Variants in R3HCC1L observed in about 807,000 individuals in gnomAD.
R3HCC1L encodes the protein R3H domain and coiled-coil containing 1 like.
A neutral mutation model predicts 59.9 loss-of-function variants in R3HCC1L; 51 were observed. The observed-to-expected ratio is 0.85, with a 90% CI of 0.68 to 1.07. The LOEUF is 1.07. Among genes scored for constraint, R3HCC1L ranks in the 50% least tolerant of loss-of-function variants. The pLI, the probability that R3HCC1L is intolerant of heterozygous loss-of-function variation, is 0.00. For synonymous variants in R3HCC1L, 322 were observed against 315.2 expected (o/e 1.02, Z -0.23); for missense variants, 965 against 933.0 (o/e 1.03, Z -0.45).
chr10:98,188,496 A>G lies in R3HCC1L; in HGVS notation c.-14-19605A>G, dbSNP rs538032457. 5.3e-5 allele frequency among the ~76,000 whole-genome samples: 8 copies of G among 152,300 alleles called. No homozygotes were observed. In the East Asian group the frequency reaches 1.5e-3, roughly 29 times the overall value. The stretch of plus-strand genomic sequence containing the variant: ...AATGGAGACTCCTGTGTTTGGATCC[A>G]TTATAGGATAGGCTCAGTGTAATGC... On this transcript the variant is annotated intron_variant, in intron 4 of 9. Transcript: ENST00000298999.
chr10:98,190,470 A>T (rs962188041), intron 4 of R3HCC1L, among the ~76,000 whole-genome samples: 1 of 152,200 alleles, frequency 6.6e-6, no homozygotes, highest in Non-Finnish European at 1.5e-5. Context: ...CCTGTTGTAT[A>T]CTTTTCTGAC....
In R3HCC1L at chr10:98,201,980, C is replaced by A. The variant is rs567026984; in HGVS notation, c.-14-6121C>A. Among the ~76,000 whole-genome samples the A allele has an allele frequency of 1.4e-4, 22 of 151,826 alleles. No individual in the cohort carries two copies. The South Asian group carries it at 4.6e-3, about 32-fold the overall frequency. On this transcript the variant is annotated intron_variant, in intron 4 of 9. Transcript: ENST00000298999. ...CCACAGGCACAGTCATAGCACACTG[C>A]AGCCTTGAACTCGTGGCCTCAAGCT...
intron 4 of R3HCC1L, among the ~76,000 whole-genome samples, chr10:98,189,562 A>G (rs1054627297): frequency 6.6e-6 from 1 of 152,184 alleles, no homozygotes; most frequent in African/African-American, 2.4e-5. Flanking sequence ...CTTTAATTTT[A>G]GAAATTATTG....
At position 98,213,765 on chromosome 10, in the gene R3HCC1L, G is replaced by T. The variant is rs144469883; in HGVS notation, c.1785+3866G>T. 1.1e-3 allele frequency among the ~76,000 whole-genome samples: 170 copies of T among 152,030 alleles called. 1 individual carries two copies. Among genetic ancestry groups the T allele is most frequent in the African/African-American group, 4.0e-3 (167 of 41,470 alleles). ...GTTCCCTTGTACCCCCTCACCTGTC[G>T]TTCTAATTTTTTTCACAATATCTTT... On this transcript the variant is annotated intron_variant, in intron 5 of 9. Coordinates refer to ENST00000298999, the MANE Select transcript of R3HCC1L (RefSeq NM_001351015.2).
chr10:98,186,985 T>A (rs1459022444), intron 4 of R3HCC1L, among the ~76,000 whole-genome samples: 1 of 152,114 alleles, frequency 6.6e-6, no homozygotes, highest in Non-Finnish European at 1.5e-5. Flanking sequence ...CATTTATTTG[T>A]CTGTAAAATG....
At chr10:98,207,976 G>T in intron 4 of R3HCC1L, 125 bp from the exon 5 acceptor site, 3 of 878,226 alleles carry the variant, frequency 3.4e-6, no homozygotes, top group Non-Finnish European at 5.1e-6. Context: ...AGTGAGCTGA[G>T]ATCGCTCCAC....
At position 98,142,958 on chromosome 10, in the gene R3HCC1L, CAAAA is replaced by C. The variant is rs1388902700; in HGVS notation, c.-268+8253_-268+8256del. 7.6e-5 allele frequency among the ~76,000 whole-genome samples: 11 copies of C among 145,110 alleles called. 1 individual carries two copies. In the South Asian group the frequency reaches 2.4e-3, roughly 31 times the overall value. ...TCCAAAAAAAAACAAACAAACAAAA[CAAAA>C]CAAAACAAAAAAAAAACAGAAGAAG... is the stretch of plus-strand genomic sequence containing the variant. On this transcript the variant is annotated intron_variant, in intron 1 of 9. Coordinates refer to ENST00000298999, the MANE Select transcript of R3HCC1L (RefSeq NM_001351015.2).
intron 9 of R3HCC1L, 50 bp from the exon 10 acceptor site, chr10:98,244,041 A>G (rs1857837010): frequency 1.9e-6 from 3 of 1,549,876 alleles, no homozygotes; most frequent in East Asian, 2.3e-5. Flanking sequence ...AGGGAAAGTC[A>G]TTGGTTATAT....
intron 4 of R3HCC1L, among the ~76,000 whole-genome samples, chr10:98,187,292 A>G (rs1313284821): frequency 6.6e-6 from 1 of 151,934 alleles, no homozygotes; most frequent in African/African-American, 2.4e-5. Flanking sequence ...TCCAGTGTTC[A>G]TTTCCTTTGA....
At chr10:98,232,871 G>T (rs951959654) in intron 6 of R3HCC1L, among the ~76,000 whole-genome samples, 2 of 152,138 alleles carry the variant, frequency 1.3e-5, no homozygotes, top group African/African-American at 2.4e-5. Context: ...TTCATATGAA[G>T]TTCTAGAACA....
At chr10:98,190,661 TTTA>T (rs1219541498) in intron 4 of R3HCC1L, among the ~76,000 whole-genome samples, 6 of 152,166 alleles carry the variant, frequency 3.9e-5, no homozygotes, top group African/African-American at 1.4e-4. Context: ...TATGGACTTT[TTTA>T]TTATTATACT....
rs367832363 is a variant in R3HCC1L at position 98,185,538 on chromosome 10, G to A, written c.-15+22141G>A. On this transcript the variant is annotated intron_variant, in intron 4 of 9. Coordinates refer to ENST00000298999, the MANE Select transcript of R3HCC1L (RefSeq NM_001351015.2). The stretch of plus-strand genomic sequence containing the variant: ...GGCTGGGAGGCTGTAGGGAAGTAGA[G>A]TAGGTAGAAGGAAGAGATTATCCAG... Among the ~76,000 whole-genome samples, 39 of 152,240 alleles carry A rather than the reference G, an allele frequency of 2.6e-4. No homozygotes were observed. The East Asian group carries it at 6.4e-3, about 25-fold the overall frequency.
chr10:98,182,078 C>T (rs540311249), intron 4 of R3HCC1L, among the ~76,000 whole-genome samples: 3 of 152,154 alleles, frequency 2.0e-5, no homozygotes, highest in Non-Finnish European at 2.9e-5. Context: ...GTGATCCTTT[C>T]GAGGAGAAGC....
At chr10:98,235,942 T>C in intron 8 of R3HCC1L, 82 bp from the exon 9 acceptor site, 1 of 1,435,194 alleles carries the variant, frequency 7.0e-7, no homozygotes, top group Non-Finnish European at 9.6e-7. Context: ...ATTTTGTATG[T>C]TAATTACTGA....
intron 4 of R3HCC1L, among the ~76,000 whole-genome samples, chr10:98,180,552 G>A (rs1849522863): frequency 2.0e-5 from 3 of 152,164 alleles, no homozygotes; most frequent in Admixed American, 2.0e-4. Flanking sequence ...GATTTGGGGT[G>A]GAAAGTTCTG....
chr10:98,165,364 C>T (rs1847837840), intron 4 of R3HCC1L, among the ~76,000 whole-genome samples: 1 of 152,166 alleles, frequency 6.6e-6, no homozygotes, highest in Non-Finnish European at 1.5e-5. Context: ...AGAAATACCA[C>T]ATCATACCAG....
intron 5 of R3HCC1L, among the ~76,000 whole-genome samples, chr10:98,229,993 T>C (rs925331103): frequency 5.9e-5 from 9 of 152,302 alleles, no homozygotes; most frequent in African/African-American, 2.2e-4. Context: ...CAGTATTTTA[T>C]TGAGGATTTT....
chr10:98,170,442 C>T (rs533314196), intron 4 of R3HCC1L, among the ~76,000 whole-genome samples: 24 of 152,208 alleles, frequency 1.6e-4, no homozygotes, highest in Admixed American at 1.4e-3. Flanking sequence ...CTCAGCCTTC[C>T]AAGTAGTGAG....
chr10:98,179,770 A>T (rs1440341726), intron 4 of R3HCC1L, among the ~76,000 whole-genome samples: 1 of 152,034 alleles, frequency 6.6e-6, no homozygotes. Context: ...AGGGATTCAA[A>T]TTCTTCCTGG....
Sources: gnomAD v4.1 joint callset for allele counts (sites outside exome capture counted in the v4.1 genomes callset) on GRCh38, gnomAD v4.1.1 for gene constraint, MANE v1.5 for transcripts, NCBI Gene and HGNC (gene_info 2026-07-23, HGNC 2026-07-21) for gene names.